The following SCN11A variants were observed in gnomAD, a reference collection of about 807,000 sequenced individuals.
The protein encoded by SCN11A is sodium voltage-gated channel alpha subunit 11.
SCN11A carries 122 observed loss-of-function variants against 162.2 expected under a neutral mutation model. The observed-to-expected ratio is 0.75, with a 90% CI of 0.65 to 0.87. The LOEUF is 0.87. SCN11A is among the 40% of genes least tolerant of loss of function. The pLI, the probability that SCN11A is intolerant of heterozygous loss-of-function variation, is 0.00. For missense variants in SCN11A, 2,015 were observed against 2,181.6 expected (o/e 0.92, Z 1.52); for synonymous variants, 758 against 751.5 (o/e 1.01, Z -0.14).
intron 19 of SCN11A, 91 bp from the exon 20 acceptor site, chr3:38,886,329 T>A (rs556496815): frequency 2.6e-6 from 2 of 764,530 alleles, no homozygotes; most frequent in East Asian, 5.1e-5. Flanking sequence ...GTTTTCTCTT[T>A]GTCATGAGAA....
intron 2 of SCN11A, among the ~76,000 whole-genome samples, chr3:38,988,173 G>A (rs952813209): frequency 6.6e-6 from 1 of 152,080 alleles, no homozygotes; most frequent in African/African-American, 2.4e-5. Context: ...ACATAAAGCT[G>A]GCCCTGCCTG....
intron 2 of SCN11A, chr3:39,026,113 A>C (rs1447621197): frequency 6.6e-6 from 1 of 151,186 alleles, no homozygotes; most frequent in East Asian, 1.9e-4. Flanking sequence ...TGTGTCAATT[A>C]AAAATAAAAT....
At chr3:38,943,390 G>T (rs772509255) in intron 7 of SCN11A, among the ~76,000 whole-genome samples, 2 of 152,100 alleles carry the variant, frequency 1.3e-5, no homozygotes, top group Non-Finnish European at 2.9e-5. Flanking sequence ...TCTATATATC[G>T]ATTGCAGTGG....
At chr3:38,965,218 G>A (rs770303090) in intron 2 of SCN11A, among the ~76,000 whole-genome samples, 9 of 152,294 alleles carry the variant, frequency 5.9e-5, no homozygotes, top group Admixed American at 1.3e-4. Context: ...CTGCCGTGCC[G>A]TGATTAAAAC....
chr3:39,028,848 A>C (rs1524873), intron 2 of SCN11A, among the ~76,000 whole-genome samples: 64 of 152,318 alleles, frequency 4.2e-4, no homozygotes, highest in Non-Finnish European at 7.9e-4. Context: ...GAGCAGCATT[A>C]ATGTCTTCAT....
intron 18 of SCN11A, among the ~76,000 whole-genome samples, chr3:38,895,467 C>T (rs753640241): frequency 2.6e-5 from 4 of 152,186 alleles, no homozygotes; most frequent in Admixed American, 6.6e-5. Context: ...CCAAGCCAAG[C>T]GAGTTGGACC....
rs2065956021 is a variant in SCN11A at position 38,916,018 on chromosome 3, G to A, written c.959+3917C>T. Among the ~76,000 whole-genome samples the A allele has an allele frequency of 6.6e-5, 10 of 152,154 alleles. No individual in the cohort carries two copies. In the South Asian group the frequency reaches 2.1e-3, roughly 32 times the overall value. On this transcript the variant is annotated intron_variant, in intron 11 of 29. Transcript: ENST00000302328. Reference sequence around the variant, plus strand: ...GGCGCATATACCTTTAGATTAGTTAGGTCTTCTTGTTGAATTGAACATTTT... The same window carrying A: ...GGCGCATATACCTTTAGATTAGTTAAGTCTTCTTGTTGAATTGAACATTTT...
intron 2 of SCN11A, among the ~76,000 whole-genome samples, chr3:38,961,725 G>A (rs2066742394): frequency 6.6e-6 from 1 of 152,164 alleles, no homozygotes; most frequent in African/African-American, 2.4e-5. Flanking sequence ...TTTCTGATAG[G>A]ATTGTTTGGG....
At chr3:39,040,844 C>T (rs986111096) in intron 1 of SCN11A, among the ~76,000 whole-genome samples, 27 of 151,864 alleles carry the variant, frequency 1.8e-4, no homozygotes, top group Admixed American at 1.4e-3. Context: ...TTTGGGAGGC[C>T]GAGGTGGGCG....
At chr3:39,008,484 T>C (rs1286692417) in intron 2 of SCN11A, among the ~76,000 whole-genome samples, 1 of 152,202 alleles carries the variant, frequency 6.6e-6, no homozygotes, top group Non-Finnish European at 1.5e-5. Context: ...GACACCCGGA[T>C]AACTGCTGAG....
intron 16 of SCN11A, 38 bp from the exon 17 acceptor site, chr3:38,900,111 C>A (rs370659471): frequency 6.5e-7 from 1 of 1,539,226 alleles, no homozygotes. Context: ...AAGGAAGCTG[C>A]GGAGATAACA....
chr3:39,035,765 G>T (rs544498172), intron 1 of SCN11A, among the ~76,000 whole-genome samples: 1 of 150,874 alleles, frequency 6.6e-6, no homozygotes, highest in African/African-American at 2.4e-5. Flanking sequence ...TCAGCCTCCC[G>T]AGTAGCTGGG....
At chr3:38,909,224 T>G in intron 12 of SCN11A, 30 bp from the exon 13 acceptor site, 1 of 1,606,438 alleles carries the variant, frequency 6.2e-7, no homozygotes, top group Non-Finnish European at 8.5e-7. Context: ...TTCTTGAATA[T>G]CAAACCTTCT....
rs553945928 is a variant in SCN11A at position 38,979,648 on chromosome 3, T to C, written c.-279-19225A>G. On this transcript the variant is annotated intron_variant, in intron 2 of 29. Transcript: ENST00000302328. ...TTCATAAAACACCAAAAAAATTTGA[T>C]CATTTCTCTGCCAAGTCTGCATAGT... Among the ~76,000 whole-genome samples, 110 of 152,344 alleles carry C rather than the reference T, an allele frequency of 7.2e-4. 1 individual carries two copies. The highest frequency in any genetic ancestry group is 2.3e-3 in the African/African-American group (97 of 41,580).
chr3:39,042,676 G>A (rs1263584349), intron 1 of SCN11A, among the ~76,000 whole-genome samples: 1 of 151,876 alleles, frequency 6.6e-6, no homozygotes, highest in African/African-American at 2.4e-5. Context: ...TGAGCAAAAG[G>A]TCCAGGTGCA....
Position 38,847,484 on chromosome 3 carries a change from T to C in SCN11A, c.4586A>G (p.Asp1529Gly), listed in dbSNP as rs2064692720. 6.2e-7 allele frequency: 1 copy of C among 1,614,188 alleles called. No individual in the cohort carries two copies. The highest frequency in any genetic ancestry group is 1.3e-5 in the African/African-American group (1 of 75,046). Reference protein sequence around the residue: ...FSKVNPESGIDDIFNFKTFAS... With the variant: ...FSKVNPESGIGDIFNFKTFAS... ...AAAAGTCTTGAAGTTGAATATGTCA[T>C]CGATTCCAGACTCTGGATTCACTTT... The change falls in exon 30 of 30, where the codon GAT becomes GGT. Residue 1529 changes from aspartate (D) to glycine (G), a missense_variant. Asp to Gly is a moderately conservative substitution (Grantham distance 94, BLOSUM62 -1). Transcript: ENST00000302328.
intron 2 of SCN11A, among the ~76,000 whole-genome samples, 177 bp downstream of exon 2, chr3:39,032,198 TATTTA>T (rs2031777377): frequency 6.6e-6 from 1 of 152,226 alleles, no homozygotes. Context: ...ATTTCTGCAT[TATTTA>T]AATGAGTCTT....
At chr3:38,887,700 G>A (rs1304293869) in intron 19 of SCN11A, among the ~76,000 whole-genome samples, 1 of 152,154 alleles carries the variant, frequency 6.6e-6, no homozygotes, top group Non-Finnish European at 1.5e-5. Flanking sequence ...CAGATAATAA[G>A]AGAATATTGC....
intron 9 of SCN11A, 95 bp downstream of exon 9, chr3:38,925,320 G>A (rs2066121210): frequency 1.3e-6 from 1 of 796,536 alleles, no homozygotes. Flanking sequence ...GGCTTTGTTT[G>A]TTTTTGGTTT....
Sources: allele counts gnomAD v4.1 joint callset (sites outside exome capture counted in the v4.1 genomes callset), GRCh38; gene constraint gnomAD v4.1.1; transcripts MANE v1.5; gene names NCBI Gene and HGNC (gene_info 2026-07-23, HGNC 2026-07-21).